The following IFT57 variants were observed in gnomAD, a reference collection of about 807,000 sequenced individuals.
IFT57 encodes the protein intraflagellar transport protein 57 homolog.
A neutral mutation model predicts 56.8 loss-of-function variants in IFT57; 59 were observed. The ratio of observed to expected loss-of-function variants is 1.04; its 90% CI spans 0.84 to 1.29. The LOEUF (loss-of-function observed/expected upper bound fraction) is 1.29, where lower values mean the gene tolerates loss of function less well. Among genes scored for constraint, IFT57 ranks in the 50% most tolerant of loss-of-function variants. The pLI is 0.00. For synonymous variants in IFT57, 209 were observed against 186.1 expected (o/e 1.12, Z -1.00); for missense variants, 470 against 522.1 (o/e 0.90, Z 0.97).
At chr3:108,205,138 G>T (rs749974863) in intron 5 of IFT57, among the ~76,000 whole-genome samples, 1 of 152,082 alleles carries the variant, frequency 6.6e-6, no homozygotes, top group Non-Finnish European at 1.5e-5. Flanking sequence ...CGTTATCAAG[G>T]AGCTTACAAA....
chr3:108,184,640 TAA>T (rs1353679029), intron 6 of IFT57, among the ~76,000 whole-genome samples: 3 of 152,146 alleles, frequency 2.0e-5, no homozygotes, highest in Non-Finnish European at 4.4e-5. Flanking sequence ...TATTAAATCA[TAA>T]GTGTATAAAA....
chr3:108,163,796 G>A (rs327168), intron 9 of IFT57, 67 bp from the exon 10 acceptor site: 834,886 of 921,026 alleles, frequency 0.91, 385,635 homozygotes, highest in Non-Finnish European at 0.97. Context: ...TGAATTATGT[G>A]TTAAGAAAAT....
At chr3:108,208,958 G>A (rs1028403511) in intron 4 of IFT57, among the ~76,000 whole-genome samples, 2 of 152,110 alleles carry the variant, frequency 1.3e-5, no homozygotes, top group Admixed American at 1.3e-4. Context: ...CCAAATCCAG[G>A]CAGGTCTACT....
intron 6 of IFT57, among the ~76,000 whole-genome samples, chr3:108,187,490 AAAG>A (rs1199389353): frequency 6.6e-6 from 1 of 152,162 alleles, no homozygotes; most frequent in Non-Finnish European, 1.5e-5. Context: ...GGAAGCATAA[AAAG>A]AATAAATGTG....
intron 4 of IFT57, among the ~76,000 whole-genome samples, chr3:108,211,340 G>A (rs1395455217): frequency 2.0e-5 from 3 of 152,224 alleles, no homozygotes; most frequent in Admixed American, 6.5e-5. Context: ...GAATATATGA[G>A]TACTTAATTT....
chr3:108,167,143 G>T, intron 7 of IFT57, 158 bp from the exon 8 acceptor site: 1 of 606,244 alleles, frequency 1.6e-6, no homozygotes, highest in Non-Finnish European at 2.8e-6. Context: ...TATCTGTGAT[G>T]AGAAATATTT....
At position 108,167,775 on chromosome 3, in the gene IFT57, G is replaced by A. The variant is rs766560524; in HGVS notation, c.849+18C>T. The A allele has an allele frequency of 1.4e-4, 202 of 1,485,852 alleles. No homozygotes were observed. Among genetic ancestry groups the A allele is most frequent in the Middle Eastern group, 7.0e-4 (4 of 5,702 alleles). 92.0% of individuals were successfully genotyped at this position (1,485,852 alleles called of 1,614,324 possible). A position where few individuals can be genotyped will look rare whatever the true frequency, so the allele number is the denominator to read the frequency against. The stretch of plus-strand genomic sequence containing the variant: ...GATGAGTAAATGTACATTGATTCAC[G>A]TAAAGTAATTCATATACCTTGGTCT... On this transcript the variant is annotated intron_variant, in intron 7 of 10. Coordinates refer to ENST00000264538, the MANE Select transcript of IFT57 (RefSeq NM_018010.4).
intron 5 of IFT57, among the ~76,000 whole-genome samples, chr3:108,197,858 C>T (rs919749093): frequency 6.6e-6 from 1 of 152,104 alleles, no homozygotes; most frequent in Non-Finnish European, 1.5e-5. Flanking sequence ...CTCTAAATCT[C>T]GGAGTACCCA....
At chr3:108,188,497 G>T (rs1255386329) in intron 6 of IFT57, among the ~76,000 whole-genome samples, 2 of 152,008 alleles carry the variant, frequency 1.3e-5, no homozygotes, top group East Asian at 1.9e-4. Context: ...TATGACTTTG[G>T]TCAGTAGTTT....
chr3:108,164,199 G>A (rs145904075), intron 9 of IFT57, among the ~76,000 whole-genome samples: 7 of 152,026 alleles, frequency 4.6e-5, no homozygotes, highest in African/African-American at 1.7e-4. Flanking sequence ...ACTAAAAAAT[G>A]TTTATATCAT....
chr3:108,222,117 G>A lies in IFT57; in HGVS notation c.206C>T (p.Pro69Leu), dbSNP rs150919951. 3.7e-6 allele frequency: 6 copies of A among 1,601,130 alleles called. No homozygotes were observed. The highest frequency in any genetic ancestry group is 2.3e-5 in the East Asian group (1 of 43,932). ...EFLRKSNLKA[P>L]SRHYFALPTN... The stretch of plus-strand genomic sequence containing the variant: ...CGGGGACGCCGGCACCCACCTGGAC[G>A]GGGCCTTCAGGTTGCTCTTCCGGAG... The change falls in exon 1 of 11, where the codon CCG (proline) becomes CTG (leucine). Residue 69 changes from proline to leucine, a missense_variant. Coordinates refer to ENST00000264538, the MANE Select transcript of IFT57 (RefSeq NM_018010.4).
At chr3:108,188,044 C>T (rs922693880) in intron 6 of IFT57, among the ~76,000 whole-genome samples, 2 of 151,782 alleles carry the variant, frequency 1.3e-5, no homozygotes, top group Non-Finnish European at 2.9e-5. Context: ...CCCACTAACT[C>T]GTCGTTTACA....
At chr3:108,186,695 T>C (rs2080185278) in intron 6 of IFT57, among the ~76,000 whole-genome samples, 1 of 152,064 alleles carries the variant, frequency 6.6e-6, no homozygotes, top group Admixed American at 6.6e-5. Flanking sequence ...GTTATACCAG[T>C]GTGCTTGCCT....
intron 6 of IFT57, among the ~76,000 whole-genome samples, chr3:108,185,014 C>G (rs948447049): frequency 1.3e-5 from 2 of 152,096 alleles, no homozygotes; most frequent in Non-Finnish European, 2.9e-5. Flanking sequence ...AGATTGAGGT[C>G]TGCAGCTGAG....
intron 3 of IFT57, among the ~76,000 whole-genome samples, chr3:108,218,116 C>A (rs1048577625): frequency 6.6e-6 from 1 of 151,976 alleles, no homozygotes; most frequent in Non-Finnish European, 1.5e-5. Context: ...CCAGTAACTA[C>A]TAGCAAAGGA....
intron 3 of IFT57, among the ~76,000 whole-genome samples, chr3:108,217,655 G>T (rs1221895600): frequency 6.6e-6 from 1 of 150,468 alleles, no homozygotes; most frequent in Non-Finnish European, 1.5e-5. Context: ...ACATTAAAAT[G>T]TTATTAACAG....
At chr3:108,198,143 C>A (rs994893585) in intron 5 of IFT57, among the ~76,000 whole-genome samples, 1 of 152,102 alleles carries the variant, frequency 6.6e-6, no homozygotes, top group Non-Finnish European at 1.5e-5. Context: ...ATGACTTTTT[C>A]AATGTCACAT....
intron 6 of IFT57, among the ~76,000 whole-genome samples, chr3:108,182,260 G>A (rs191258320): frequency 1.5e-3 from 232 of 152,100 alleles, no homozygotes; most frequent in Non-Finnish European, 2.5e-3. Context: ...GAATGAGGGG[G>A]AAAAAATCCT....
rs1268379655 is a variant in IFT57 at position 108,220,978 on chromosome 3, CATTTTT to C, written c.212+1127_212+1132del. On this transcript the variant is annotated intron_variant, in intron 1 of 10. Transcript: ENST00000264538. The stretch of plus-strand genomic sequence containing the variant: ...TTAAAAATATACTTGGAAAAAAATG[CATTTTT>C]ATTAACATAGGAAATGTTGGTTGTC... 7.9e-5 allele frequency among the ~76,000 whole-genome samples: 12 copies of C among 152,304 alleles called. No individual in the cohort carries two copies. In the South Asian group the frequency reaches 2.5e-3, roughly 32 times the overall value.
Sources: allele counts gnomAD v4.1 joint callset (sites outside exome capture counted in the v4.1 genomes callset), GRCh38; gene constraint gnomAD v4.1.1; transcripts MANE v1.5; gene names NCBI Gene and HGNC (gene_info 2026-07-23, HGNC 2026-07-21).